The following CSMD1 variants were observed in gnomAD, a reference collection of about 807,000 sequenced individuals.
The protein encoded by CSMD1 is CUB and Sushi multiple domains 1.
In CSMD1, 213 loss-of-function variants were observed where a neutral mutation model predicts 417.5. The observed-to-expected ratio is 0.51, with a 90% CI of 0.46 to 0.57. The LOEUF is 0.57. Among genes scored for constraint, CSMD1 ranks in the 20% least tolerant of loss-of-function variants. CSMD1 has a pLI of 0.00. For synonymous variants in CSMD1, 2,862 were observed against 1,736.8 expected, an observed-to-expected ratio of 1.65 and a Z score of -16.11; for missense variants, 6,923 against 4,529.7, an observed-to-expected ratio of 1.53 and a Z score of -15.17.
At chr8:4,467,111 A>G (rs753537500) in intron 2 of CSMD1, among the ~76,000 whole-genome samples, 23 of 142,406 alleles carry the variant, frequency 1.6e-4, no homozygotes, top group Middle Eastern at 3.7e-3. Flanking sequence ...CTTGCTCTAG[A>G]TTCTTCAGAG....
intron 2 of CSMD1, among the ~76,000 whole-genome samples, chr8:4,540,462 G>C (rs1197043720): frequency 6.6e-6 from 1 of 152,174 alleles, no homozygotes; most frequent in African/African-American, 2.4e-5. Context: ...CAGGACTTAG[G>C]GGAGGCTGAG....
intron 1 of CSMD1, among the ~76,000 whole-genome samples, chr8:4,888,162 T>G (rs932081018): frequency 6.6e-6 from 1 of 151,846 alleles, no homozygotes; most frequent in South Asian, 2.1e-4. Flanking sequence ...TATGAATAAA[T>G]TGATACATTG....
chr8:3,707,644 G>A (rs922645267), intron 7 of CSMD1, among the ~76,000 whole-genome samples: 1 of 151,892 alleles, frequency 6.6e-6, no homozygotes, highest in African/African-American at 2.4e-5. Context: ...CGTGTGGGGA[G>A]CAAAACCAGT....
At chr8:3,455,256 A>T (rs909134555) in intron 12 of CSMD1, among the ~76,000 whole-genome samples, 2 of 152,102 alleles carry the variant, frequency 1.3e-5, no homozygotes, top group Non-Finnish European at 2.9e-5. Context: ...CATGGGTTCA[A>T]ACTTCCTCCT....
chr8:4,376,384 T>G (rs796520571), intron 3 of CSMD1, among the ~76,000 whole-genome samples: 1 of 152,332 alleles, frequency 6.6e-6, no homozygotes, highest in African/African-American at 2.4e-5. Flanking sequence ...AGTAACCATA[T>G]GTAACCCGTG....
At chr8:4,629,226 T>C (rs1306970512) in intron 2 of CSMD1, among the ~76,000 whole-genome samples, 1 of 152,186 alleles carries the variant, frequency 6.6e-6, no homozygotes, top group Non-Finnish European at 1.5e-5. Flanking sequence ...TACTTTATTT[T>C]GAGAAAAATT....
chr8:3,804,716 G>A (rs1202660034), intron 5 of CSMD1, among the ~76,000 whole-genome samples: 2 of 152,166 alleles, frequency 1.3e-5, no homozygotes, highest in African/African-American at 2.4e-5. Context: ...ACATATATTT[G>A]TGTATGATAT....
rs1362091959 is a variant in CSMD1, at chr8:4,311,288, G to A, written c.415+108665C>T. ...TGACAGATTAGATAAAGAAAATGTG[G>A]CACATGTACACCATGGAATACTATG... On this transcript the variant is annotated intron_variant, in intron 3 of 69. Transcript: ENST00000635120. Among the ~76,000 whole-genome samples, 48 of 152,168 alleles carry A rather than the reference G, an allele frequency of 3.2e-4. 1 individual carries two copies. The highest frequency in any genetic ancestry group is 3.1e-3 in the Admixed American group (48 of 15,260).
At chr8:3,188,775 G>T in intron 35 of CSMD1, 112 bp downstream of exon 35, 1 of 931,680 alleles carries the variant, frequency 1.1e-6, no homozygotes, top group Non-Finnish European at 1.5e-6. Flanking sequence ...AAGGAAAAAA[G>T]AGAGAGGGAG....
rs941647917 is a variant in CSMD1, at chr8:4,694,127, T to C, written c.86-56569A>G. Among the ~76,000 whole-genome samples, 4 of 152,130 alleles carry C rather than the reference T, an allele frequency of 2.6e-5. No individual in the cohort carries two copies. In the East Asian group the frequency reaches 7.8e-4, roughly 29 times the overall value. On this transcript the variant is annotated intron_variant, in intron 1 of 69. Transcript: ENST00000635120. ...AAATTGCTACGTACCTCCCTCACGATTTGTCCACGGGAATTTCCTTGTGGA... is the reference window on the plus strand; with the variant it reads ...AAATTGCTACGTACCTCCCTCACGACTTGTCCACGGGAATTTCCTTGTGGA...
intron 3 of CSMD1, among the ~76,000 whole-genome samples, chr8:4,059,371 C>A (rs1246718855): frequency 1.3e-5 from 2 of 152,026 alleles, no homozygotes; most frequent in African/African-American, 4.8e-5. Context: ...CCTAACATCA[C>A]AATTAAAAGA....
intron 51 of CSMD1, among the ~76,000 whole-genome samples, chr8:3,028,331 G>A (rs1302441307): frequency 6.6e-6 from 1 of 152,118 alleles, no homozygotes; most frequent in Admixed American, 6.5e-5. Flanking sequence ...TCGGGAAGGG[G>A]GGCATTTCCT....
chr8:3,375,142 C>T (rs1010013312), intron 18 of CSMD1: 2 of 152,296 alleles, frequency 1.3e-5, no homozygotes, highest in East Asian at 1.9e-4. Flanking sequence ...ACACTGACCT[C>T]GTTCTCCAAC....
intron 37 of CSMD1, among the ~76,000 whole-genome samples, chr8:3,168,222 A>G (rs142325322): frequency 2.6e-5 from 4 of 152,336 alleles, no homozygotes; most frequent in African/African-American, 7.2e-5. Context: ...TTCAACGCCC[A>G]GGTAGACCAT....
At chr8:3,528,719 G>A (rs1262008053) in intron 10 of CSMD1, among the ~76,000 whole-genome samples, 1 of 152,192 alleles carries the variant, frequency 6.6e-6, no homozygotes, top group Non-Finnish European at 1.5e-5. Context: ...AAAAGCTTGA[G>A]GGATTGGAAT....
chr8:2,989,048 T>C (rs1806163217), intron 54 of CSMD1, among the ~76,000 whole-genome samples: 1 of 152,150 alleles, frequency 6.6e-6, no homozygotes, highest in Non-Finnish European at 1.5e-5. Context: ...AGGAAGTAGT[T>C]AGGAAAAGAA....
chr8:3,212,690 C>G (rs897992673), intron 30 of CSMD1, among the ~76,000 whole-genome samples: 1 of 151,924 alleles, frequency 6.6e-6, no homozygotes, highest in East Asian at 1.9e-4. Flanking sequence ...ACTGCTGGGT[C>G]CAGACAGCTA....
intron 8 of CSMD1, among the ~76,000 whole-genome samples, chr8:3,591,328 C>T (rs1584931699): frequency 2.0e-5 from 3 of 152,278 alleles, no homozygotes; most frequent in South Asian, 2.1e-4. Context: ...TTTCGGAAGA[C>T]ATTTATCACC....
At chr8:4,587,363 T>C (rs1477251492) in intron 2 of CSMD1, among the ~76,000 whole-genome samples, 1 of 152,040 alleles carries the variant, frequency 6.6e-6, no homozygotes, top group South Asian at 2.1e-4. Flanking sequence ...AAGCATCAAG[T>C]TCTTGATATA....
Sources: allele counts gnomAD v4.1 joint callset (sites outside exome capture counted in the v4.1 genomes callset), GRCh38; gene constraint gnomAD v4.1.1; transcripts MANE v1.5; gene names NCBI Gene and HGNC (gene_info 2026-07-23, HGNC 2026-07-21).